The following NEB variants were observed in gnomAD, a reference collection of about 807,000 sequenced individuals.
NEB encodes nebulin, also known as nemaline myopathy type 2.
In NEB, 512 loss-of-function variants were observed where a neutral mutation model predicts 952.2. The observed-to-expected ratio is 0.54, with a 90% confidence interval of 0.50 to 0.58. The LOEUF (loss-of-function observed/expected upper bound fraction) is 0.58, where lower values mean the gene tolerates loss of function less well. NEB is among the 20% of genes least tolerant of loss of function. The pLI, the probability that NEB is intolerant of heterozygous loss-of-function variation, is 0.00. For synonymous variants in NEB, 2,900 were observed against 3,149.8 expected (o/e 0.92, Z 2.66); for missense variants, 8,428 against 9,231.1 (o/e 0.91, Z 3.56).
chr2:151,607,113 G>A (rs1275403757), intron 83 of NEB, among the ~76,000 whole-genome samples: 1 of 103,294 alleles, frequency 9.7e-6, no homozygotes, highest in African/African-American at 2.6e-5. Context: ...CTAAAGAGTT[G>A]TGACATAGAT....
At chr2:151,630,842 G>T in intron 66 of NEB, 23 bp from the exon 67 acceptor site, 1 of 1,526,454 alleles carries the variant, frequency 6.6e-7, no homozygotes, top group Non-Finnish European at 8.9e-7. Flanking sequence ...ATAAGATGCT[G>T]ATTAAAAATC....
chr2:151,489,942 T>G (rs1435815599), intron 181 of NEB, 29 bp downstream of exon 181: 4 of 1,504,794 alleles, frequency 2.7e-6, no homozygotes, highest in Non-Finnish European at 3.7e-6. Context: ...TTAAGAATAA[T>G]TTATTTAAGT....
intron 10 of NEB, among the ~76,000 whole-genome samples, chr2:151,712,123 C>G (rs765926778): frequency 2.0e-5 from 3 of 152,066 alleles, no homozygotes; most frequent in Non-Finnish European, 2.9e-5. Context: ...TGTACACATA[C>G]CTCAGGTTAG....
intron 2 of NEB, 135 bp from the exon 3 acceptor site, chr2:151,733,320 G>T (rs2099813389): frequency 1.6e-6 from 1 of 632,466 alleles, no homozygotes; most frequent in Admixed American, 3.1e-5. Context: ...CTAAAGGAGA[G>T]AAGACATTTA....
At chr2:151,687,376 G>C (rs1466684541) in intron 27 of NEB, 43 bp downstream of exon 27, 1 of 1,522,004 alleles carries the variant, frequency 6.6e-7, no homozygotes, top group Non-Finnish European at 9.1e-7. Flanking sequence ...ATCGTAACAG[G>C]GAGTCCATCT....
rs1375156229 is a variant in NEB at position 151,633,801 on chromosome 2, T to C, written c.9267A>G (p.Pro3089=). ...FEKWKTKFSS[P]VDMLGVVLAK... ...CCAGCACCACCCCCAGCATGTCCAC[T>C]GGGCTGCTGAACTTGGTCTTCCACT... The change falls in exon 65 of 182, where the codon CCA becomes CCG. Residue 3089 remains proline (P), a synonymous_variant. Transcript: ENST00000397345. 4 of 1,613,856 alleles carry C rather than the reference T, an allele frequency of 2.5e-6. No homozygotes were observed. Among genetic ancestry groups the C allele is most frequent in the African/African-American group, 1.3e-5 (1 of 74,914 alleles).
intron 76 of NEB, 133 bp from the exon 77 acceptor site, chr2:151,614,720 C>T (rs1050940860): frequency 1.4e-5 from 16 of 1,137,270 alleles, no homozygotes; most frequent in African/African-American, 1.3e-4. Flanking sequence ...ATCATCAACC[C>T]TATTTTTAAA....
In NEB at chr2:151,650,269, T is replaced by G; in HGVS notation, c.7338A>C (p.Lys2446Asn). Reference sequence around the variant, plus strand: ...TGTTTCTGTCTGGAGGCTGACGATATTTCTTCTCACTGATGATTTCCGAAG... The same window carrying G: ...TGTTTCTGTCTGGAGGCTGACGATAGTTCTTCTCACTGATGATTTCCGAAG... ...KRASEIISEK[K>N]YRQPPDRNKF... Residue 2446 changes from lysine to asparagine, a missense_variant, in exon 54 of 182, where the codon AAA becomes AAC. Lys to Asn is a moderately conservative substitution (Grantham distance 94). Coordinates refer to ENST00000397345, the MANE Select transcript of NEB (RefSeq NM_001164508.2). The G allele has an allele frequency of 1.2e-6, 2 of 1,613,928 alleles. No individual in the cohort carries two copies. The highest frequency in any genetic ancestry group is 3.3e-5 in the Admixed American group (2 of 59,998).
In NEB at chr2:151,512,708, G is replaced by T. The variant is rs190104505; in HGVS notation, c.23346+25C>A. On this transcript the variant is annotated intron_variant, in intron 161 of 181. Transcript: ENST00000397345. Reference sequence around the variant, plus strand: ...ATTCTTTCATGATTGGGGTTTATGAGTGATGGCATGACGAATGTCCTTACC... The same window carrying T: ...ATTCTTTCATGATTGGGGTTTATGATTGATGGCATGACGAATGTCCTTACC... The T allele has an allele frequency of 1.3e-4, 199 of 1,503,634 alleles. 1 individual carries two copies. In the African/African-American group the frequency reaches 2.6e-3, roughly 20 times the overall value. The allele number at this position is 1,503,634 out of a possible 1,614,324, so 93.1% of individuals were successfully genotyped here.
In NEB at chr2:151,547,551, C is replaced by T. The variant is rs377143618; in HGVS notation, c.20263-18G>A. 7.2e-5 allele frequency: 115 copies of T among 1,595,904 alleles called. No homozygotes were observed. In the African/African-American group the frequency reaches 1.5e-3, roughly 21 times the overall value. ...TAGATCAACTAAAGAAAAAAAAATA[C>T]CCCAAAACATATGTATTAGAGACCG... On this transcript the variant is annotated intron_variant, in intron 132 of 181. Transcript: ENST00000397345.
In NEB at chr2:151,506,471, T is replaced by C; in HGVS notation, c.23557-213A>G. The C allele has an allele frequency of 3.9e-6, 2 of 516,222 alleles. 1 individual carries two copies. The highest frequency in any genetic ancestry group is 6.8e-6 in the Non-Finnish European group (2 of 293,610). The allele number at this position is 516,222 out of a possible 1,614,324, so 32.0% of individuals were successfully genotyped here. A position where few individuals can be genotyped will look rare whatever the true frequency, so the allele number is the denominator to read the frequency against. On this transcript the variant is annotated intron_variant, in intron 163 of 181. Coordinates refer to ENST00000397345, the MANE Select transcript of NEB (RefSeq NM_001164508.2). ...GATCTTTCCAGATCTTAAGATTTCT[T>C]CTAAGATTGTGGTATACCATACTAA...
chr2:151,636,438 TC>T (rs2098764682), intron 63 of NEB, 104 bp from the exon 64 acceptor site: 2 of 919,262 alleles, frequency 2.2e-6, no homozygotes, highest in Non-Finnish European at 3.2e-6. Flanking sequence ...CCTATAATAA[TC>T]TTTCTTTTGA....
chr2:151,560,588 T>C lies in NEB; in HGVS notation c.19314+4A>G, dbSNP rs2095976718. On this transcript the variant is annotated splice_donor_region_variant and intron_variant, in intron 124 of 181. Coordinates refer to ENST00000397345, the MANE Select transcript of NEB (RefSeq NM_001164508.2). ...GAAAGCTGTCATGTTTTTGCTTTAC[T>C]TACATGGCTGGCCAGATGCTTCTGG... The C allele has an allele frequency of 6.2e-7, 1 of 1,605,470 alleles. No individual in the cohort carries two copies. The highest frequency in any genetic ancestry group is 2.2e-5 in the East Asian group (1 of 44,638).
At chr2:151,658,859 G>A (rs1001340608) in intron 47 of NEB, among the ~76,000 whole-genome samples, 6 of 151,942 alleles carry the variant, frequency 3.9e-5, no homozygotes, top group African/African-American at 7.3e-5. Flanking sequence ...CAATCACACC[G>A]TTCAAATTCT....
chr2:151,724,592 G>A (rs1270040488), intron 7 of NEB, among the ~76,000 whole-genome samples: 1 of 152,162 alleles, frequency 6.6e-6, no homozygotes, highest in African/African-American at 2.4e-5. Flanking sequence ...CAGCTTCTTT[G>A]GTGACACTGG....
At chr2:151,643,768 T>A (rs1171105763) in intron 57 of NEB, 50 bp downstream of exon 57, 2 of 1,587,674 alleles carry the variant, frequency 1.3e-6, no homozygotes, top group South Asian at 2.3e-5. Flanking sequence ...TCTGATACTT[T>A]AAAAAGCAGA....
At chr2:151,543,559 TG>T (rs1041338103) in intron 135 of NEB, among the ~76,000 whole-genome samples, 1 of 152,214 alleles carries the variant, frequency 6.6e-6, no homozygotes, top group African/African-American at 2.4e-5. Flanking sequence ...GTGCTAAAGT[TG>T]TGAATTACAT....
In NEB at chr2:151,576,200, T is replaced by C; in HGVS notation, c.16859A>G (p.Asp5620Gly). Residue 5620 changes from aspartate (D) to glycine (G), a missense_variant, in exon 106 of 182, where the codon GAC becomes GGC. By Grantham distance (94) the Asp-to-Gly change is moderately conservative. This residue lies in a region of NEB where 3,374 missense variants were observed against 3,651.5 expected (regional missense o/e 0.92). Coordinates refer to ENST00000397345, the MANE Select transcript of NEB (RefSeq NM_001164508.2). ...TTTAGCAAGGACCACTTCAGGTGTG[T>C]CAACAATGCTTGTGTACTTAAGGTT... is the stretch of plus-strand genomic sequence containing the variant. Reference protein sequence around the residue: ...VVNLKYTSIVDTPEVVLAKSN... With the variant: ...VVNLKYTSIVGTPEVVLAKSN... 6.2e-7 allele frequency: 1 copy of C among 1,610,782 alleles called. No individual in the cohort carries two copies.
At position 151,491,976 on chromosome 2, in the gene NEB, T is replaced by A. The variant is rs1315810993; in HGVS notation, c.25057+122A>T. ...AAACTATGAGATAATAGGAGCTTTC[T>A]TGCACCTCTAGAAAAACAGATTGAA... On this transcript the variant is annotated intron_variant, in intron 178 of 181. Coordinates refer to ENST00000397345, the MANE Select transcript of NEB (RefSeq NM_001164508.2). 3 of 1,141,816 alleles carry A rather than the reference T, an allele frequency of 2.6e-6. No homozygotes were observed. The African/African-American group carries it at 4.6e-5, about 18-fold the overall frequency. The allele number at this position is 1,141,816 out of a possible 1,614,324, so 70.7% of individuals were successfully genotyped here.
Sources: allele counts gnomAD v4.1 joint callset (sites outside exome capture counted in the v4.1 genomes callset), GRCh38; gene constraint gnomAD v4.1.1; regional missense constraint gnomAD v4.1.1; transcripts MANE v1.5; gene names NCBI Gene and HGNC (gene_info 2026-07-23, HGNC 2026-07-21).